Variants in XYLB observed in about 807,000 individuals in gnomAD.
The protein encoded by XYLB is xylulokinase.
XYLB carries 62 observed loss-of-function variants against 78.7 expected under a neutral mutation model. That is an observed-to-expected ratio of 0.79 (90% CI 0.64 to 0.97). The LOEUF is 0.97. Among genes scored for constraint, XYLB ranks in the 50% least tolerant of loss-of-function variants. The probability of loss-of-function intolerance (pLI) is 0.00; values close to 1 mark genes in which losing one functional copy is unlikely to be tolerated. For synonymous variants in XYLB, 245 were observed against 247.4 expected, an observed-to-expected ratio of 0.99 and a Z score of 0.09; for missense variants, 687 against 676.8, an observed-to-expected ratio of 1.02 and a Z score of -0.17.
the XYLB span, among the ~76,000 whole-genome samples, chr3:38,444,171 T>C: frequency 6.6e-6 from 1 of 152,178 alleles, no homozygotes; most frequent in African/African-American, 2.4e-5. Flanking sequence ...GTAGGACATC[T>C]ATATACCTAT....
intron 18 of XYLB, among the ~76,000 whole-genome samples, chr3:38,410,667 T>C (rs1389076871): frequency 9.9e-5 from 15 of 151,978 alleles, no homozygotes; most frequent in African/African-American, 3.6e-4. Context: ...GAATCTACAA[T>C]GAACTCAAAC....
intron 17 of XYLB, among the ~76,000 whole-genome samples, chr3:38,399,164 G>C (rs1708020024): frequency 6.6e-6 from 1 of 152,114 alleles, no homozygotes; most frequent in Non-Finnish European, 1.5e-5. Flanking sequence ...CAGTGGCGTA[G>C]TCATGGCTCA....
At chr3:38,443,511 TG>T in the XYLB span, among the ~76,000 whole-genome samples, 1 of 152,338 alleles carries the variant, frequency 6.6e-6, no homozygotes, top group Non-Finnish European at 1.5e-5. Context: ...CTGTCCTCTC[TG>T]AACCACCAGG....
In XYLB at chr3:38,363,006, G is replaced by A. The variant is rs754910703; in HGVS notation, c.280G>A (p.Gly94Arg). The change falls in exon 4 of 19, where the codon GGG becomes AGG. Residue 94 changes from glycine (G) to arginine (R), a missense_variant. Physicochemically the swap from Gly to Arg is moderately radical, Grantham distance 125. Transcript: ENST00000207870. ...CTTCTCTCAAGTCCTAGCCTTGTCC[G>A]GGGCGGGCCAGGTTCGTTTGCAGCA... The part of the protein sequence containing the change: ...FDFSQVLALS[G>R]AGQQHGSIYW... 8.0e-5 allele frequency: 124 copies of A among 1,558,370 alleles called. No homozygotes were observed. In the Admixed American group the frequency reaches 1.1e-3, roughly 13 times the overall value.
At chr3:38,412,183 G>T (rs1708622904) in intron 18 of XYLB, among the ~76,000 whole-genome samples, 1 of 152,198 alleles carries the variant, frequency 6.6e-6, no homozygotes, top group Middle Eastern at 3.4e-3. Flanking sequence ...TAGAGACGGG[G>T]TTTCACCAGG....
intron 15 of XYLB, among the ~76,000 whole-genome samples, chr3:38,380,965 A>G (rs1198986154): frequency 6.6e-6 from 1 of 152,236 alleles, no homozygotes; most frequent in Non-Finnish European, 1.5e-5. Context: ...CTGTACATCA[A>G]ATTCAAAAGC....
downstream of XYLB, among the ~76,000 whole-genome samples, chr3:38,416,869 T>G (rs1201731907): frequency 6.6e-6 from 1 of 152,216 alleles, no homozygotes; most frequent in East Asian, 1.9e-4. Context: ...AAAGAGCTCT[T>G]TCTACTTTCC....
intron 15 of XYLB, among the ~76,000 whole-genome samples, chr3:38,382,210 G>T (rs903020994): frequency 6.6e-6 from 1 of 152,196 alleles, no homozygotes; most frequent in African/African-American, 2.4e-5. Flanking sequence ...GCCAGGCGTG[G>T]TGGCACATGC....
intron 18 of XYLB, 84 bp from the exon 19 acceptor site, chr3:38,412,852 T>A: frequency 8.3e-7 from 1 of 1,206,402 alleles, no homozygotes; most frequent in East Asian, 2.7e-5. Flanking sequence ...TAAACGGGAT[T>A]TAAAAATTTT....
chr3:38,432,080 G>T, the XYLB span, among the ~76,000 whole-genome samples: 30 of 151,864 alleles, frequency 2.0e-4, no homozygotes, highest in African/African-American at 6.8e-4. Context: ...TTTGGGTGGC[G>T]TCACAGCCAA....
chr3:38,375,906 A>G (rs991215908), intron 12 of XYLB, among the ~76,000 whole-genome samples: 8 of 152,126 alleles, frequency 5.3e-5, no homozygotes, highest in African/African-American at 1.9e-4. Flanking sequence ...AGCCCAAGAC[A>G]AGGGCGTTTC....
At chr3:38,430,301 A>G in the XYLB span, among the ~76,000 whole-genome samples, 13 of 152,316 alleles carry the variant, frequency 8.5e-5, no homozygotes, top group Admixed American at 4.6e-4. Flanking sequence ...TTATCTGATG[A>G]CCAGTGATGA....
chr3:38,415,612 G>A (rs62239912), downstream of XYLB, among the ~76,000 whole-genome samples: 8,699 of 152,014 alleles, frequency 0.057, 419 homozygotes, highest in East Asian at 0.19. Flanking sequence ...GTGAAACCCC[G>A]TCTTTACTAA....
intron 17 of XYLB, 105 bp from the exon 18 acceptor site, chr3:38,400,786 C>A (rs2125655847): frequency 1.2e-6 from 1 of 832,022 alleles, no homozygotes; most frequent in Non-Finnish European, 2.0e-6. Flanking sequence ...TCACTATAAT[C>A]CAGTTTTAGA....
the XYLB span, among the ~76,000 whole-genome samples, chr3:38,434,940 C>T: frequency 1.8e-4 from 27 of 152,278 alleles, no homozygotes; most frequent in South Asian, 4.1e-3. Context: ...CAAGACCAGC[C>T]TGGCTAACAT....
chr3:38,386,367 C>G (rs574778009), intron 15 of XYLB, among the ~76,000 whole-genome samples: 20 of 152,106 alleles, frequency 1.3e-4, no homozygotes, highest in African/African-American at 4.3e-4. Flanking sequence ...GGAAGGTAGA[C>G]AGGCAATAAA....
intron 9 of XYLB, 91 bp downstream of exon 9, chr3:38,370,265 C>T (rs533435267): frequency 1.1e-6 from 1 of 880,236 alleles, no homozygotes; most frequent in African/African-American, 1.6e-5. Context: ...CACACACACA[C>T]ACTCTGCACA....
At chr3:38,364,023 C>T (rs1412731579) in intron 4 of XYLB, among the ~76,000 whole-genome samples, 4 of 152,128 alleles carry the variant, frequency 2.6e-5, no homozygotes, top group Non-Finnish European at 5.9e-5. Flanking sequence ...TTCTCTCTCC[C>T]GAATCCCAGG....
At chr3:38,426,760 G>A in the XYLB span, among the ~76,000 whole-genome samples, 6 of 152,312 alleles carry the variant, frequency 3.9e-5, no homozygotes, top group African/African-American at 7.2e-5. Context: ...GGTGGGACAC[G>A]TTGGTAGCAA....
Sources: gnomAD v4.1 joint callset for allele counts (sites outside exome capture counted in the v4.1 genomes callset) on GRCh38, gnomAD v4.1.1 for gene constraint, MANE v1.5 for transcripts, NCBI Gene and HGNC (gene_info 2026-07-23, HGNC 2026-07-21) for gene names.